ACACA: variants seen among roughly 807,000 people sequenced by gnomAD.
ACACA encodes the protein acetyl-CoA carboxylase 1.
In ACACA, 103 loss-of-function variants were observed where a neutral mutation model predicts 296.1. The ratio of observed to expected loss-of-function variants is 0.35; its 90% confidence interval spans 0.30 to 0.41. ACACA has a LOEUF of 0.41. Ranked by LOEUF, ACACA falls within the 10% of genes least tolerant of loss-of-function variation. ACACA has a pLI of 1.00. For synonymous variants in ACACA, 953 were observed against 1,038.6 expected, an observed-to-expected ratio of 0.92 and a Z score of 1.58; for missense variants, 1,554 against 2,989.7, an observed-to-expected ratio of 0.52 and a Z score of 11.20.
chr17:37,223,670 C>T, intron 27 of ACACA, 69 bp from the exon 28 acceptor site: 1 of 1,160,224 alleles, frequency 8.6e-7, no homozygotes, highest in Non-Finnish European at 1.3e-6. Context: ...CACTATTTGG[C>T]ATTTGAAGCA....
intron 8 of ACACA, 62 bp downstream of exon 8, chr17:37,275,889 G>C (rs564448432): frequency 7.1e-7 from 1 of 1,401,042 alleles, no homozygotes; most frequent in African/African-American, 1.4e-5. Flanking sequence ...AAAGAGGTAA[G>C]TCCCAAATAT....
intron 3 of ACACA, among the ~76,000 whole-genome samples, chr17:37,319,277 A>G (rs1393700404): frequency 6.6e-6 from 1 of 152,190 alleles, no homozygotes; most frequent in Non-Finnish European, 1.5e-5. Context: ...TAGAGTGTGT[A>G]TATTAAATTA....
At chr17:37,155,047 T>G (rs2076184330) in intron 43 of ACACA, among the ~76,000 whole-genome samples, 1 of 152,168 alleles carries the variant, frequency 6.6e-6, no homozygotes, top group East Asian at 1.9e-4. Context: ...AAAAATTGAC[T>G]TTTCGACCTG....
chr17:37,313,150 G>A (rs181157329), intron 3 of ACACA, among the ~76,000 whole-genome samples: 1 of 152,130 alleles, frequency 6.6e-6, no homozygotes, highest in Admixed American at 6.6e-5. Flanking sequence ...GAATTTTGGG[G>A]GGTTGCAGGA....
intron 3 of ACACA, among the ~76,000 whole-genome samples, chr17:37,312,447 G>A (rs560176040): frequency 6.6e-6 from 1 of 152,254 alleles, no homozygotes; most frequent in Non-Finnish European, 1.5e-5. Flanking sequence ...CTGGAAAATG[G>A]AGATAATTAA....
chr17:37,337,483 T>A (rs2048179618), intron 2 of ACACA, among the ~76,000 whole-genome samples: 1 of 151,806 alleles, frequency 6.6e-6, no homozygotes. Flanking sequence ...AGGCAGGGTC[T>A]TGCTCTGTCA....
intron 1 of ACACA, among the ~76,000 whole-genome samples, chr17:37,340,374 A>G (rs1012198021): frequency 6.6e-6 from 1 of 152,192 alleles, no homozygotes; most frequent in Non-Finnish European, 1.5e-5. Context: ...AAGCCTGACA[A>G]TTTAAATCTA....
At chr17:37,305,121 A>G (rs889358266) in intron 3 of ACACA, among the ~76,000 whole-genome samples, 14 of 152,146 alleles carry the variant, frequency 9.2e-5, no homozygotes, top group Non-Finnish European at 1.6e-4. Flanking sequence ...GTATCTTTAC[A>G]TGTCTCACGG....
chr17:37,372,415 A>G (rs1449850645), intron 1 of ACACA, among the ~76,000 whole-genome samples: 1 of 145,194 alleles, frequency 6.9e-6, no homozygotes, highest in Non-Finnish European at 1.5e-5. Flanking sequence ...TCTGTCTCGA[A>G]AAAAAAAAAA....
chr17:37,356,725 CTT>C (rs1041585239), intron 1 of ACACA, among the ~76,000 whole-genome samples: 22 of 152,056 alleles, frequency 1.4e-4, no homozygotes, highest in African/African-American at 5.1e-4. Context: ...AATGAGATAA[CTT>C]TTTTTTCTGA....
rs561986659 is a variant in ACACA, at chr17:37,101,621, G to A, written c.6566-3637C>T. Among the ~76,000 whole-genome samples, 51 of 152,274 alleles carry A rather than the reference G, an allele frequency of 3.3e-4. 1 individual carries two copies. The South Asian group carries it at 9.3e-3, about 28-fold the overall frequency. ...TCTCGCTTACTTGGGCAGAAGACACGTGCTTCAGTAGTAGTGTCCCTTTAA... is the reference window on the plus strand; with the variant it reads ...TCTCGCTTACTTGGGCAGAAGACACATGCTTCAGTAGTAGTGTCCCTTTAA... On this transcript the variant is annotated intron_variant, in intron 52 of 55. Coordinates refer to ENST00000616317, the MANE Select transcript of ACACA (RefSeq NM_198834.3).
rs2073972319 is a variant in ACACA, at chr17:37,111,547, G to C, written c.6549C>G (p.His2183Gln). The change falls in exon 52 of 56, where the codon CAC becomes CAG. Residue 2183 changes from histidine to glutamine, a missense_variant. By Grantham distance (24) the His-to-Gln change is conservative. Around this residue, in one of 16 missense-constraint regions of ACACA, gnomAD observed 553 missense variants for 1,043.6 expected, o/e 0.53. Transcript: ENST00000616317. The stretch of plus-strand genomic sequence containing the variant: ...CAGACATACCCAATCGCTCAGCCAA[G>C]TGGATGTAGACTGGGTCCACCCGAC... ...TMRRVDPVYI[H>Q]LAERLGTPEL... The C allele has an allele frequency of 6.2e-7, 1 of 1,613,778 alleles. No homozygotes were observed. Among genetic ancestry groups the C allele is most frequent in the Non-Finnish European group, 8.5e-7 (1 of 1,179,744 alleles).
intron 1 of ACACA, among the ~76,000 whole-genome samples, chr17:37,354,926 C>A (rs1162739182): frequency 1.3e-5 from 2 of 151,468 alleles, no homozygotes; most frequent in Admixed American, 1.3e-4. Flanking sequence ...GCGAGAGAAT[C>A]TCTAAAAAAA....
At chr17:37,112,890 T>G (rs963718327) in intron 51 of ACACA, among the ~76,000 whole-genome samples, 198 bp downstream of exon 51, 1 of 152,220 alleles carries the variant, frequency 6.6e-6, no homozygotes, top group African/African-American at 2.4e-5. Flanking sequence ...ACAGTTTTTT[T>G]GGGTGCTACA....
At chr17:37,209,841 A>G (rs1183650888) in intron 30 of ACACA, among the ~76,000 whole-genome samples, 1 of 152,188 alleles carries the variant, frequency 6.6e-6, no homozygotes, top group Non-Finnish European at 1.5e-5. Context: ...GGAGAAACCC[A>G]AAATACTAAA....
At position 37,258,122 on chromosome 17, in the gene ACACA, C is replaced by T. The variant is rs2081299495; in HGVS notation, c.1662+90G>A. The T allele has an allele frequency of 2.7e-6, 4 of 1,474,504 alleles. No homozygotes were observed. In the Admixed American group the frequency reaches 7.2e-5, roughly 26 times the overall value. 91.3% of individuals were successfully genotyped at this position (1,474,504 alleles called of 1,614,324 possible). ...CTATGTTTCCCACTCCAGAGGAAGT[C>T]CCAAGATATTTCAGAAGTATACTTT... On this transcript the variant is annotated intron_variant, in intron 13 of 55. Transcript: ENST00000616317.
intron 3 of ACACA, among the ~76,000 whole-genome samples, chr17:37,323,743 T>C (rs2147146520): frequency 6.6e-6 from 1 of 152,348 alleles, no homozygotes; most frequent in South Asian, 2.1e-4. Flanking sequence ...AGATAACCTG[T>C]TCCAACTGTA....
chr17:37,347,002 A>T (rs1212903855), intron 1 of ACACA, among the ~76,000 whole-genome samples: 8 of 152,120 alleles, frequency 5.3e-5, no homozygotes, highest in African/African-American at 1.4e-4. Context: ...GAAATGTGAG[A>T]ACATGAGATC....
At chr17:37,259,336 G>A (rs1233198974) in intron 12 of ACACA, 24 bp downstream of exon 12, 5 of 1,613,698 alleles carry the variant, frequency 3.1e-6, no homozygotes, top group Non-Finnish European at 4.2e-6. Flanking sequence ...TCTAGGCTCT[G>A]CAACCCAGAT....
Sources: allele counts gnomAD v4.1 joint callset (sites outside exome capture counted in the v4.1 genomes callset), GRCh38; gene constraint gnomAD v4.1.1; regional missense constraint gnomAD v4.1.1; transcripts MANE v1.5; gene names NCBI Gene and HGNC (gene_info 2026-07-23, HGNC 2026-07-21).